The following TMEM143 variants were observed in gnomAD, a reference collection of about 807,000 sequenced individuals.
TMEM143 encodes the protein transmembrane protein 143.
TMEM143 carries 45 observed loss-of-function variants against 40.3 expected under a neutral mutation model. The observed-to-expected ratio is 1.12, with a 90% CI of 0.88 to 1.43. The LOEUF is 1.43. Ranked by LOEUF, TMEM143 falls within the 40% of genes most tolerant of loss-of-function variation. TMEM143 has a pLI of 0.00. For synonymous variants in TMEM143, 299 were observed against 282.7 expected (o/e 1.06, Z -0.58); for missense variants, 620 against 613.4 (o/e 1.01, Z -0.11).
intron 5 of TMEM143, 34 bp from the exon 6 acceptor site, chr19:48,342,843 G>C (rs761932730): frequency 1.3e-6 from 2 of 1,563,894 alleles, no homozygotes; most frequent in Non-Finnish European, 1.7e-6. Flanking sequence ...GAGCAGGATC[G>C]GGACTGCACT....
chr19:48,359,266 T>C (rs948678907), intron 3 of TMEM143, among the ~76,000 whole-genome samples: 13 of 151,536 alleles, frequency 8.6e-5, no homozygotes, highest in African/African-American at 2.9e-4. Context: ...TGCCCTCATA[T>C]CCCACCCTCC....
rs1344228170 is a variant in TMEM143, at chr19:48,338,333, C to A, written c.976-4136G>T. ...TTGTCTGCACATAGGTTCAGAGCTG[C>A]CCCTGCCCCTCCCCTGCTCATGGTC... On this transcript the variant is annotated intron_variant, in intron 6 of 7. Transcript: ENST00000293261. Among the ~76,000 whole-genome samples the A allele has an allele frequency of 1.8e-4, 28 of 152,198 alleles. 1 individual carries two copies. Among genetic ancestry groups the A allele is most frequent in the Admixed American group, 1.8e-3 (28 of 15,272 alleles).
chr19:48,333,393 G>C lies in TMEM143; in HGVS notation c.1206C>G (p.Leu402=). Residue 402 remains leucine (L), a synonymous_variant, in exon 8 of 8, where the codon CTC becomes CTG. Transcript: ENST00000293261. This position sits in a 1 kb window ranked among gnomAD's most constrained non-coding sequence, Gnocchi z 4.1. ...RWLRSEVENW[L]LAKSGCEVTF... ...TCACCTCACAGCCTGACTTGGCTAG[G>C]AGCCAGTTCTCCACCTCCGACCGGA... 1.2e-6 allele frequency: 2 copies of C among 1,607,356 alleles called. No individual in the cohort carries two copies. Among genetic ancestry groups the C allele is most frequent in the Non-Finnish European group, 1.7e-6 (2 of 1,175,588 alleles).
intron 6 of TMEM143, among the ~76,000 whole-genome samples, chr19:48,334,497 GTTCTTTCTTTCTTTTCTTTCTTTCTCT>G (rs1969319248): frequency 2.2e-5 from 1 of 45,616 alleles, no homozygotes; most frequent in Non-Finnish European, 4.6e-5. Flanking sequence ...TCTTTCTTTC[GTTCTTTCTTTCTTTTCTTTCTTTCTCT>G]TTCTTTCTTT....
At chr19:48,351,182 C>T (rs34603534) in intron 3 of TMEM143, among the ~76,000 whole-genome samples, 2 of 152,100 alleles carry the variant, frequency 1.3e-5, no homozygotes, top group Non-Finnish European at 2.9e-5. Flanking sequence ...ACCCACGATG[C>T]CCCAAACCTG....
chr19:48,351,314 C>T (rs991096727), intron 3 of TMEM143, among the ~76,000 whole-genome samples: 2 of 152,174 alleles, frequency 1.3e-5, no homozygotes, highest in East Asian at 1.9e-4. Context: ...ATTGGCAAAT[C>T]GTGATGGTAA....
Position 48,333,580 on chromosome 19 carries a change from G to A in TMEM143, c.1166-147C>T, listed in dbSNP as rs373285958. 1 of 572,372 alleles carries A rather than the reference G, an allele frequency of 1.7e-6. No homozygotes were observed. 35.5% of individuals were successfully genotyped at this position (572,372 alleles called of 1,614,324 possible). On this transcript the variant is annotated intron_variant, in intron 7 of 7. Coordinates refer to ENST00000293261, the MANE Select transcript of TMEM143 (RefSeq NM_018273.4). The surrounding 1 kb of genome is among the most constrained non-coding windows in gnomAD (Gnocchi z 4.1). ...TGATCTTGAGGCTTGGAGGGGAGCG[G>A]AACAAGGCCCAGGAGGGTCGAGAGG...
At chr19:48,348,753 A>T (rs1193933059) in intron 3 of TMEM143, among the ~76,000 whole-genome samples, 1 of 152,208 alleles carries the variant, frequency 6.6e-6, no homozygotes, top group East Asian at 1.9e-4. Context: ...ACATTTGACC[A>T]TGTCAATCTC....
chr19:48,348,025 CAA>C (rs556686693), intron 3 of TMEM143, among the ~76,000 whole-genome samples: 2,142 of 103,214 alleles, frequency 0.021, 29 homozygotes, highest in Middle Eastern at 0.15. Flanking sequence ...GACCCTGTCT[CAA>C]AAAAAAAAAA....
chr19:48,342,871 C>T, intron 5 of TMEM143, 62 bp from the exon 6 acceptor site: 1 of 1,512,650 alleles, frequency 6.6e-7, no homozygotes, highest in Non-Finnish European at 8.9e-7. Context: ...GAGCCCCCTC[C>T]AATCCTAGGA....
At chr19:48,352,460 C>T (rs1255978477) in intron 3 of TMEM143, among the ~76,000 whole-genome samples, 6 of 111,002 alleles carry the variant, frequency 5.4e-5, no homozygotes, top group South Asian at 3.6e-4. Flanking sequence ...TGTGCCACCA[C>T]GCACAGTTAA....
chr19:48,362,676 G>A (rs775738151), intron 2 of TMEM143, among the ~76,000 whole-genome samples: 13 of 152,288 alleles, frequency 8.5e-5, no homozygotes, highest in South Asian at 2.1e-4. Context: ...AAAATTTAAC[G>A]GGGCACTCAC....
chr19:48,335,751 G>A (rs1317496057), intron 6 of TMEM143, among the ~76,000 whole-genome samples: 2 of 151,938 alleles, frequency 1.3e-5, no homozygotes. Context: ...ATAATTAGCT[G>A]GGTGTGATGG....
At chr19:48,339,435 C>T (rs1011335004) in intron 6 of TMEM143, among the ~76,000 whole-genome samples, 1 of 152,306 alleles carries the variant, frequency 6.6e-6, no homozygotes, top group African/African-American at 2.4e-5. Flanking sequence ...GGGCCCCATA[C>T]TCCGCATCCC....
At position 48,363,468 on chromosome 19, in the gene TMEM143, T is replaced by TCGGACCCTGGACCCC; in HGVS notation, c.72_86dup (p.Gly25_Arg29dup). 1 of 1,613,922 alleles carries TCGGACCCTGGACCCC rather than the reference T, an allele frequency of 6.2e-7. No homozygotes were observed. Among genetic ancestry groups the TCGGACCCTGGACCCC allele is most frequent in the Non-Finnish European group, 8.5e-7 (1 of 1,179,966 alleles). The stretch of plus-strand genomic sequence containing the variant: ...GGAGCGCGGGCAACAGTGGCCATAC[T>TCGGACCCTGGACCCC]CGGACCCTGGACCCCCAGACCCCCC... On this transcript the variant is annotated inframe_insertion, in exon 2 of 8. Transcript: ENST00000293261.
intron 6 of TMEM143, among the ~76,000 whole-genome samples, chr19:48,335,174 TTAAC>T (rs1221795017): frequency 6.6e-6 from 1 of 152,220 alleles, no homozygotes; most frequent in East Asian, 1.9e-4. Context: ...GGAAATCTGA[TTAAC>T]TATTGCTAAT....
At chr19:48,348,037 A>AAAAAG (rs1229876067) in intron 3 of TMEM143, among the ~76,000 whole-genome samples, 4 of 143,772 alleles carry the variant, frequency 2.8e-5, no homozygotes, top group Admixed American at 2.0e-4. Flanking sequence ...AAAAAAAAAA[A>AAAAAG]AAAGAAAAAG....
chr19:48,348,888 T>C (rs116550591), intron 3 of TMEM143, among the ~76,000 whole-genome samples: 64 of 152,164 alleles, frequency 4.2e-4, no homozygotes, highest in African/African-American at 1.3e-3. Flanking sequence ...AGACTGTCTT[T>C]AGGTTGGCTG....
chr19:48,359,454 G>C (rs994155960), intron 3 of TMEM143, among the ~76,000 whole-genome samples: 3 of 150,736 alleles, frequency 2.0e-5, no homozygotes, highest in Non-Finnish European at 3.0e-5. Flanking sequence ...TCACCTCCTT[G>C]GGGAGCCCTT....
Sources: allele counts gnomAD v4.1 joint callset (sites outside exome capture counted in the v4.1 genomes callset), GRCh38; gene constraint gnomAD v4.1.1; non-coding constraint Gnocchi (gnomAD v3.1); transcripts MANE v1.5; gene names NCBI Gene and HGNC (gene_info 2026-07-23, HGNC 2026-07-21).